The following TCF4 variants were observed in gnomAD, a reference collection of about 807,000 sequenced individuals.
TCF4 encodes SL3-3 enhancer factor 2.
A neutral mutation model predicts 82.1 loss-of-function variants in TCF4; 3 were observed. The observed-to-expected ratio is 0.04, with a 90% CI of 0.02 to 0.09. The LOEUF is 0.09. Ranked by LOEUF, TCF4 falls within the 10% of genes least tolerant of loss-of-function variation. The pLI, the probability that TCF4 is intolerant of heterozygous loss-of-function variation, is 1.00. For synonymous variants in TCF4, 276 were observed against 309.6 expected (o/e 0.89, Z 1.14); for missense variants, 518 against 852.7 (o/e 0.61, Z 4.89).
intron 8 of TCF4, among the ~76,000 whole-genome samples, chr18:55,309,113 T>G (rs898447108): frequency 6.6e-6 from 1 of 151,834 alleles, no homozygotes; most frequent in African/African-American, 2.4e-5. Flanking sequence ...ATTATTATTA[T>G]CATTATTTTT....
rs746413576 is a variant in TCF4, at chr18:55,608,369, A to ATTT, written c.287-21236_287-21234dup. 8.7e-3 allele frequency among the ~76,000 whole-genome samples: 1,024 copies of ATTT among 117,160 alleles called. 22 individuals carry two copies. Among genetic ancestry groups the ATTT allele is most frequent in the Admixed American group, 0.012 (129 of 10,586 alleles). 76.9% of individuals were successfully genotyped at this position (117,160 alleles called of 152,430 possible). A position where few individuals can be genotyped will look rare whatever the true frequency, so the allele number is the denominator to read the frequency against. ...GACCGATCTAGCATCTTGCCACAGT[A>ATTT]TTTTTTTTTTTTTTTTTTTTTGCAA... On this transcript the variant is annotated intron_variant, in intron 2 of 20. Transcript: ENST00000398339.
At chr18:55,349,616 T>C (rs2081930047) in intron 8 of TCF4, among the ~76,000 whole-genome samples, 1 of 152,094 alleles carries the variant, frequency 6.6e-6, no homozygotes, top group Non-Finnish European at 1.5e-5. Flanking sequence ...TCATTTTATA[T>C]GAGGAGAAAA....
chr18:55,484,231 T>C (rs1052059060), intron 3 of TCF4, among the ~76,000 whole-genome samples: 3 of 152,200 alleles, frequency 2.0e-5, no homozygotes, highest in African/African-American at 7.2e-5. Flanking sequence ...GAATCCCAAT[T>C]TCCTAATTAT....
chr18:55,238,769 T>TGCAA (rs1347963854), intron 15 of TCF4, among the ~76,000 whole-genome samples: 3 of 151,976 alleles, frequency 2.0e-5, no homozygotes, highest in African/African-American at 4.9e-5. Context: ...GGACTCTTTC[T>TGCAA]TCATGATACC....
intron 2 of TCF4, among the ~76,000 whole-genome samples, chr18:55,609,406 A>G (rs1418938391): frequency 2.6e-5 from 4 of 152,156 alleles, no homozygotes; most frequent in African/African-American, 7.2e-5. Context: ...TGCTTTCTGA[A>G]TGGCATTTGC....
At chr18:55,604,566 G>C (rs2097700494) in intron 2 of TCF4, among the ~76,000 whole-genome samples, 1 of 152,214 alleles carries the variant, frequency 6.6e-6, no homozygotes, top group African/African-American at 2.4e-5. Flanking sequence ...GTTGCAAAGA[G>C]TGAAATGTTG....
At chr18:55,479,764 A>G (rs2096381137) in intron 3 of TCF4, among the ~76,000 whole-genome samples, 1 of 152,168 alleles carries the variant, frequency 6.6e-6, no homozygotes, top group Non-Finnish European at 1.5e-5. Context: ...AACCCTCTGC[A>G]GTGTTAAGCT....
intron 7 of TCF4, 124 bp downstream of exon 7, chr18:55,350,750 G>A: frequency 1.4e-6 from 2 of 1,426,440 alleles, no homozygotes; most frequent in Non-Finnish European, 1.9e-6. Context: ...GCTGACAACT[G>A]AGCCAAATTT....
chr18:55,565,120 A>G (rs772801850), intron 3 of TCF4, among the ~76,000 whole-genome samples: 116 of 152,152 alleles, frequency 7.6e-4, no homozygotes, highest in Non-Finnish European at 2.9e-4. Context: ...TAAAAAGAAC[A>G]TTTTCTCTAA....
intron 3 of TCF4, among the ~76,000 whole-genome samples, chr18:55,532,374 C>A (rs1033452021): frequency 6.6e-6 from 1 of 152,194 alleles, no homozygotes; most frequent in Non-Finnish European, 1.5e-5. Flanking sequence ...TTCTAAGGAG[C>A]TGTCTAGTGG....
chr18:55,259,906 T>C (rs777195061), intron 13 of TCF4, 43 bp downstream of exon 13: 3 of 1,524,908 alleles, frequency 2.0e-6, no homozygotes, highest in Non-Finnish European at 2.7e-6. Context: ...GGAATCATTC[T>C]TATAAACTGT....
chr18:55,325,658 T>C (rs2076425405), intron 8 of TCF4, among the ~76,000 whole-genome samples: 1 of 152,246 alleles, frequency 6.6e-6, no homozygotes, highest in African/African-American at 2.4e-5. Context: ...TCCATGTTTC[T>C]GTTTAAGTCA....
chr18:55,466,326 T>C (rs1389417103), intron 3 of TCF4, among the ~76,000 whole-genome samples: 1 of 152,034 alleles, frequency 6.6e-6, no homozygotes, highest in African/African-American at 2.4e-5. Flanking sequence ...CAAGATTCTG[T>C]CGCTACAAAA....
intron 3 of TCF4, among the ~76,000 whole-genome samples, chr18:55,517,376 A>G (rs1329882827): frequency 2.0e-5 from 3 of 152,144 alleles, no homozygotes; most frequent in Admixed American, 1.3e-4. Flanking sequence ...CCCTAAACCA[A>G]CCAGGCCCTC....
chr18:55,249,466 T>C (rs1298660667), intron 15 of TCF4, among the ~76,000 whole-genome samples: 1 of 151,910 alleles, frequency 6.6e-6, no homozygotes, highest in Non-Finnish European at 1.5e-5. Flanking sequence ...GTGGGGTGAG[T>C]TGCACATGAC....
intron 2 of TCF4, among the ~76,000 whole-genome samples, chr18:55,615,690 T>A (rs2097711083): frequency 6.6e-6 from 1 of 152,114 alleles, no homozygotes; most frequent in African/African-American, 2.4e-5. Flanking sequence ...ATTGTGGAAG[T>A]CTTCTTCTAT....
chr18:55,472,002 T>C (rs1324766411), intron 3 of TCF4, among the ~76,000 whole-genome samples: 1 of 152,200 alleles, frequency 6.6e-6, no homozygotes, highest in African/African-American at 2.4e-5. Flanking sequence ...TCGCAGACAA[T>C]TACTGCAATA....
chr18:55,232,607 G>A lies in TCF4; in HGVS notation c.1551C>T (p.Asp517=), dbSNP rs140862252. 679 of 1,614,028 alleles carry A rather than the reference G, an allele frequency of 4.2e-4. 3 individuals carry two copies. The highest frequency in any genetic ancestry group is 1.8e-3 in the South Asian group (165 of 91,078). The change falls in exon 17 of 20, where the codon GAC becomes GAT. Residue 517 remains aspartate, a synonymous_variant. Transcript: ENST00000354452. The part of the protein sequence containing the change: ...SSGSSEIKSD[D]EGDENLQDTK... ...TGTCTTGCAGGTTCTCATCACCCTC[G>A]TCATCGGATTTGATCTCAGAGCTGC...
At chr18:55,537,135 GAA>G (rs80209921) in intron 3 of TCF4, among the ~76,000 whole-genome samples, 3 of 85,586 alleles carry the variant, frequency 3.5e-5, no homozygotes, top group Non-Finnish European at 2.5e-5. Flanking sequence ...CTCCGTCTCG[GAA>G]AAAAAAAAAA....
Sources: gnomAD v4.1 joint callset for allele counts (sites outside exome capture counted in the v4.1 genomes callset) on GRCh38, gnomAD v4.1.1 for gene constraint, MANE v1.5 for transcripts, NCBI Gene and HGNC (gene_info 2026-07-23, HGNC 2026-07-21) for gene names.